Variants in MTUS2 observed in about 807,000 individuals in gnomAD.
MTUS2 encodes the protein microtubule-associated tumor suppressor candidate 2.
A neutral mutation model predicts 114.1 loss-of-function variants in MTUS2; 40 were observed. That is an observed-to-expected ratio of 0.35 (90% CI 0.27 to 0.46). The LOEUF is 0.46. MTUS2 is among the 20% of genes least tolerant of loss of function. The pLI is 1.00. For synonymous variants in MTUS2, 688 were observed against 672.0 expected (o/e 1.02, Z -0.37); for missense variants, 1,679 against 1,705.4 (o/e 0.98, Z 0.27).
At chr13:29,359,522 G>A (rs1870056046) in intron 8 of MTUS2, 49 bp downstream of exon 8, 2 of 1,556,444 alleles carry the variant, frequency 1.3e-6, no homozygotes, top group Non-Finnish European at 1.7e-6. Context: ...TTGGAGGAGA[G>A]TGTGGTGATG....
chr13:29,104,871 A>G (rs1262608904), intron 5 of MTUS2, among the ~76,000 whole-genome samples: 3 of 152,208 alleles, frequency 2.0e-5, no homozygotes, highest in African/African-American at 7.2e-5. Flanking sequence ...TTCTTTTATA[A>G]TGTTCAGAGA....
At chr13:28,925,872 A>G (rs1364478451) in intron 2 of MTUS2, among the ~76,000 whole-genome samples, 1 of 152,230 alleles carries the variant, frequency 6.6e-6, no homozygotes, top group Non-Finnish European at 1.5e-5. Flanking sequence ...TTATTATGAA[A>G]CCAAAAGAAA....
chr13:29,110,822 G>T (rs1890854181), intron 5 of MTUS2, among the ~76,000 whole-genome samples: 1 of 152,144 alleles, frequency 6.6e-6, no homozygotes, highest in Non-Finnish European at 1.5e-5. Context: ...GTTTATAAGT[G>T]CCATATTCTA....
chr13:29,226,292 G>A (rs1393161646), intron 5 of MTUS2, among the ~76,000 whole-genome samples: 1 of 152,190 alleles, frequency 6.6e-6, no homozygotes, highest in East Asian at 1.9e-4. Context: ...AATAATATTT[G>A]ACATGTACAG....
At chr13:28,903,772 T>C (rs1428432180) in intron 2 of MTUS2, among the ~76,000 whole-genome samples, 2 of 152,064 alleles carry the variant, frequency 1.3e-5, no homozygotes, top group African/African-American at 4.8e-5. Context: ...TTTGGGTATA[T>C]ACCCAGTAAT....
intron 2 of MTUS2, among the ~76,000 whole-genome samples, chr13:28,979,442 G>A (rs1196820254): frequency 6.6e-6 from 1 of 152,010 alleles, no homozygotes; most frequent in African/African-American, 2.4e-5. Flanking sequence ...GGAAATTAAA[G>A]AATATACTGG....
intron 11 of MTUS2, chr13:29,489,689 TAGGTGATTCTAATACGCAG>T (rs1418056486): frequency 6.6e-6 from 1 of 152,226 alleles, no homozygotes; most frequent in African/African-American, 2.4e-5. Flanking sequence ...TAAAACTCCC[TAGGTGATTCTAATACGCAG>T]GAAAACTTGA....
intron 2 of MTUS2, among the ~76,000 whole-genome samples, chr13:29,004,873 C>T (rs1351192597): frequency 1.3e-5 from 2 of 152,034 alleles, no homozygotes; most frequent in Non-Finnish European, 2.9e-5. Flanking sequence ...AATAGTTGTA[C>T]AAGGTAGAAA....
intron 2 of MTUS2, among the ~76,000 whole-genome samples, chr13:28,867,746 G>A (rs1379780616): frequency 6.6e-6 from 1 of 152,174 alleles, no homozygotes; most frequent in African/African-American, 2.4e-5. Context: ...GCCATCATGA[G>A]GATGTTGGCA....
chr13:28,989,745 C>T (rs552081632), intron 2 of MTUS2, among the ~76,000 whole-genome samples: 3 of 151,976 alleles, frequency 2.0e-5, no homozygotes, highest in Non-Finnish European at 2.9e-5. Context: ...GAAGCACATG[C>T]GAATCTTAAA....
intron 2 of MTUS2, among the ~76,000 whole-genome samples, chr13:28,997,696 G>A (rs1248852614): frequency 7.9e-5 from 12 of 151,976 alleles, no homozygotes; most frequent in African/African-American, 2.9e-4. Context: ...TGTTTTATCA[G>A]AGACTAGGAT....
At chr13:28,838,845 C>A (rs971078312) in intron 1 of MTUS2, among the ~76,000 whole-genome samples, 16 of 152,178 alleles carry the variant, frequency 1.1e-4, no homozygotes, top group African/African-American at 3.9e-4. Flanking sequence ...GAGCTAATTC[C>A]TTTCCTTTCT....
At chr13:29,218,530 A>C (rs1005098055) in intron 5 of MTUS2, among the ~76,000 whole-genome samples, 3 of 152,264 alleles carry the variant, frequency 2.0e-5, no homozygotes, top group Non-Finnish European at 2.9e-5. Context: ...GCCCAGATCC[A>C]TTAAGGGAAT....
chr13:28,865,832 G>A (rs1312110762), intron 2 of MTUS2, among the ~76,000 whole-genome samples: 4 of 152,168 alleles, frequency 2.6e-5, no homozygotes, highest in Non-Finnish European at 4.4e-5. Context: ...GTCTCTTGCA[G>A]GCTCAGCTGT....
chr13:29,406,187 G>A (rs1330900033), intron 8 of MTUS2, among the ~76,000 whole-genome samples: 1 of 152,166 alleles, frequency 6.6e-6, no homozygotes, highest in Non-Finnish European at 1.5e-5. Flanking sequence ...AACCTACCCT[G>A]TCTTAGTTAT....
Position 29,479,300 on chromosome 13 carries a change from G to A in MTUS2, c.3185-850G>A, listed in dbSNP as rs529715168. Among the ~76,000 whole-genome samples the A allele has an allele frequency of 3.3e-5, 5 of 152,310 alleles. No individual in the cohort carries two copies. The South Asian group carries it at 6.2e-4, about 19-fold the overall frequency. On this transcript the variant is annotated intron_variant, in intron 9 of 15. Transcript: ENST00000612955. Reference sequence around the variant, plus strand: ...GGTTCCATTTGACCTAGATGTAGTCGATTGTCAAGGTCTTGGAAGCAGGTG... The same window carrying A: ...GGTTCCATTTGACCTAGATGTAGTCAATTGTCAAGGTCTTGGAAGCAGGTG...
intron 2 of MTUS2, among the ~76,000 whole-genome samples, chr13:28,932,108 A>G (rs1881649707): frequency 6.6e-6 from 1 of 152,226 alleles, no homozygotes; most frequent in Non-Finnish European, 1.5e-5. Flanking sequence ...GTCATTTTCC[A>G]ACAGAGAATC....
At chr13:29,479,231 G>A (rs899880916) in intron 9 of MTUS2, among the ~76,000 whole-genome samples, 2 of 152,262 alleles carry the variant, frequency 1.3e-5, no homozygotes, top group African/African-American at 4.8e-5. Context: ...TGTAAATGAT[G>A]TGTCTGTGTA....
chr13:28,921,209 G>A (rs569995391), intron 2 of MTUS2, among the ~76,000 whole-genome samples: 1 of 152,280 alleles, frequency 6.6e-6, no homozygotes, highest in African/African-American at 2.4e-5. Context: ...TATCACCTGG[G>A]TATGGCTGCT....
Sources: allele counts gnomAD v4.1 joint callset (sites outside exome capture counted in the v4.1 genomes callset), GRCh38; gene constraint gnomAD v4.1.1; transcripts MANE v1.5; gene names NCBI Gene and HGNC (gene_info 2026-07-23, HGNC 2026-07-21).